GPC6: variants seen among roughly 807,000 people sequenced by gnomAD.
The protein encoded by GPC6 is glypican 6.
In GPC6, 14 loss-of-function variants were observed where a neutral mutation model predicts 55.2. The observed-to-expected ratio is 0.25, with a 90% CI of 0.17 to 0.40. The LOEUF (loss-of-function observed/expected upper bound fraction) is 0.40. Ranked by LOEUF, GPC6 falls within the 10% of genes least tolerant of loss-of-function variation. The pLI, the probability that GPC6 is intolerant of heterozygous loss-of-function variation, is 1.00. For synonymous variants in GPC6, 278 were observed against 259.6 expected, an observed-to-expected ratio of 1.07 and a Z score of -0.68; for missense variants, 641 against 708.5, an observed-to-expected ratio of 0.90 and a Z score of 1.08.
chr13:93,504,037 G>A (rs1031670357), intron 1 of GPC6, among the ~76,000 whole-genome samples: 7 of 151,776 alleles, frequency 4.6e-5, no homozygotes, highest in Admixed American at 3.3e-4. Flanking sequence ...AAATGCTTAA[G>A]GAAAAATTAC....
rs1374131757 is a variant in GPC6 at position 93,681,215 on chromosome 13, A to G, written c.319+135794A>G. ...TTTGTTTATTACCCTTTTTAATGGTATTGCAGTATGTTGCAATTCCAGAAG... is the reference window on the plus strand; with the variant it reads ...TTTGTTTATTACCCTTTTTAATGGTGTTGCAGTATGTTGCAATTCCAGAAG... On this transcript the variant is annotated intron_variant, in intron 2 of 8. Coordinates refer to ENST00000377047, the MANE Select transcript of GPC6 (RefSeq NM_005708.5). Among the ~76,000 whole-genome samples, 3 of 152,190 alleles carry G rather than the reference A, an allele frequency of 2.0e-5. No homozygotes were observed. The East Asian group carries it at 5.8e-4, about 29-fold the overall frequency.
At chr13:93,583,462 A>T (rs1285593117) in intron 2 of GPC6, among the ~76,000 whole-genome samples, 1 of 151,744 alleles carries the variant, frequency 6.6e-6, no homozygotes, top group Non-Finnish European at 1.5e-5. Context: ...TTTGTTTCCC[A>T]TGCTGGAGTG....
chr13:93,841,347 AAG>A (rs1431379133), intron 3 of GPC6, among the ~76,000 whole-genome samples: 4 of 152,164 alleles, frequency 2.6e-5, no homozygotes, highest in Non-Finnish European at 5.9e-5. Flanking sequence ...ATTTGTAAGA[AAG>A]AGGGGGGTAT....
chr13:93,782,452 A>G (rs1885682765), intron 2 of GPC6, among the ~76,000 whole-genome samples: 1 of 152,166 alleles, frequency 6.6e-6, no homozygotes, highest in South Asian at 2.1e-4. Context: ...TTTATCCAAT[A>G]GTGGGATTGC....
At chr13:93,666,884 G>T (rs886524782) in intron 2 of GPC6, among the ~76,000 whole-genome samples, 2 of 152,072 alleles carry the variant, frequency 1.3e-5, no homozygotes, top group Non-Finnish European at 2.9e-5. Flanking sequence ...ATATTTAACT[G>T]TGGAAATCGG....
chr13:93,856,423 C>T (rs1888613104), intron 3 of GPC6, among the ~76,000 whole-genome samples: 2 of 151,486 alleles, frequency 1.3e-5, no homozygotes, highest in South Asian at 2.1e-4. Context: ...GCAGAGTGTA[C>T]TGAGAGGTCC....
intron 1 of GPC6, among the ~76,000 whole-genome samples, chr13:93,535,050 G>A (rs1314348700): frequency 6.6e-6 from 1 of 152,136 alleles, no homozygotes; most frequent in Non-Finnish European, 1.5e-5. Context: ...TAAGGGTATA[G>A]CTATTGTAGT....
At chr13:94,066,659 T>G (rs775460000) in intron 4 of GPC6, among the ~76,000 whole-genome samples, 2 of 152,150 alleles carry the variant, frequency 1.3e-5, no homozygotes, top group African/African-American at 2.4e-5. Context: ...AAGCCTAAGG[T>G]GCATATGACC....
At chr13:94,011,291 A>C (rs1033949131) in intron 3 of GPC6, among the ~76,000 whole-genome samples, 5 of 152,162 alleles carry the variant, frequency 3.3e-5, no homozygotes, top group African/African-American at 9.7e-5. Context: ...TTTACAAATA[A>C]AACTGGTGTC....
intron 2 of GPC6, among the ~76,000 whole-genome samples, chr13:93,556,662 A>T (rs1315720060): frequency 6.6e-6 from 1 of 151,524 alleles, no homozygotes; most frequent in East Asian, 1.9e-4. Context: ...TTTTTTTTTA[A>T]CCTGTTAGCC....
intron 7 of GPC6, among the ~76,000 whole-genome samples, chr13:94,397,356 A>G (rs570574104): frequency 6.6e-6 from 1 of 152,274 alleles, no homozygotes; most frequent in East Asian, 1.9e-4. Flanking sequence ...GCCTCCACTT[A>G]TATAAATACC....
chr13:94,151,126 C>T (rs1887725085), intron 4 of GPC6, among the ~76,000 whole-genome samples: 2 of 151,886 alleles, frequency 1.3e-5, no homozygotes, highest in African/African-American at 4.8e-5. Context: ...AGAGCATTTC[C>T]ATGAAGTGAG....
chr13:93,324,833 T>G (rs1347103699), intron 1 of GPC6, among the ~76,000 whole-genome samples: 2 of 151,870 alleles, frequency 1.3e-5, no homozygotes, highest in Non-Finnish European at 2.9e-5. Context: ...GATTTCAGCT[T>G]TGGAGCTATG....
At chr13:93,905,798 T>C (rs1035729469) in intron 3 of GPC6, among the ~76,000 whole-genome samples, 3 of 152,056 alleles carry the variant, frequency 2.0e-5, no homozygotes, top group African/African-American at 7.2e-5. Context: ...TTGGTCAAGA[T>C]TGACAATGAT....
At chr13:93,301,190 A>C (rs916203901) in intron 1 of GPC6, among the ~76,000 whole-genome samples, 1 of 152,210 alleles carries the variant, frequency 6.6e-6, no homozygotes, top group African/African-American at 2.4e-5. Flanking sequence ...GTCTTTGATA[A>C]TGGGAATGCA....
At chr13:93,834,760 T>C (rs1413736867) in intron 3 of GPC6, among the ~76,000 whole-genome samples, 1 of 152,178 alleles carries the variant, frequency 6.6e-6, no homozygotes, top group Non-Finnish European at 1.5e-5. Flanking sequence ...CTAACTACTG[T>C]TCATGGACCT....
intron 3 of GPC6, among the ~76,000 whole-genome samples, chr13:93,987,792 G>A (rs1320335782): frequency 1.3e-5 from 2 of 152,078 alleles, no homozygotes. Flanking sequence ...TTTATTCTTT[G>A]CTTTATTATT....
In GPC6 at chr13:93,883,463, G is replaced by A. The variant is rs190222156; in HGVS notation, c.711+52918G>A. 2.0e-4 allele frequency among the ~76,000 whole-genome samples: 31 copies of A among 151,904 alleles called. 1 individual carries two copies. The South Asian group carries it at 6.2e-3, about 31-fold the overall frequency. On this transcript the variant is annotated intron_variant, in intron 3 of 8. Transcript: ENST00000377047. The stretch of plus-strand genomic sequence containing the variant: ...TCTATTTTTTTTATTTTTGATAATG[G>A]CCATTCTTGATAATATTTGCCATAA...
intron 2 of GPC6, among the ~76,000 whole-genome samples, chr13:93,654,118 A>C (rs1880548156): frequency 6.6e-6 from 1 of 152,156 alleles, no homozygotes; most frequent in African/African-American, 2.4e-5. Flanking sequence ...GTTTATTTGT[A>C]GACCCTCCTT....
Sources: allele counts gnomAD v4.1 joint callset (sites outside exome capture counted in the v4.1 genomes callset), GRCh38; gene constraint gnomAD v4.1.1; transcripts MANE v1.5; gene names NCBI Gene and HGNC (gene_info 2026-07-23, HGNC 2026-07-21).